Variants in SCARB1 observed in about 807,000 individuals in gnomAD.
SCARB1 encodes CD36 and LIMPII analogous 1.
SCARB1 carries 30 observed loss-of-function variants against 57.2 expected under a neutral mutation model. The ratio of observed to expected loss-of-function variants is 0.52; its 90% CI spans 0.39 to 0.71. The LOEUF (loss-of-function observed/expected upper bound fraction) is 0.71, where lower values mean the gene tolerates loss of function less well. Ranked by LOEUF, SCARB1 falls within the 30% of genes least tolerant of loss-of-function variation. The pLI is 0.00. For synonymous variants in SCARB1, 249 were observed against 268.3 expected (o/e 0.93, Z 0.70); for missense variants, 543 against 671.2 (o/e 0.81, Z 2.11).
rs573623195 is a variant in SCARB1 at position 124,818,083 on chromosome 12, G to A, written c.127-376C>T. 3.9e-5 allele frequency among the ~76,000 whole-genome samples: 6 copies of A among 152,264 alleles called. No individual in the cohort carries two copies. In the East Asian group the frequency reaches 1.2e-3, roughly 29 times the overall value. On this transcript the variant is annotated intron_variant, in intron 1 of 12. Coordinates refer to ENST00000261693, the MANE Select transcript of SCARB1 (RefSeq NM_005505.5). ...GGAACATGGGCTCCGTGTGGCCAGG[G>A]GGATCATTCATTCATTCCACAAGCA...
intron 1 of SCARB1, among the ~76,000 whole-genome samples, chr12:124,834,703 T>C (rs1219030562): frequency 6.6e-6 from 1 of 151,692 alleles, no homozygotes; most frequent in Non-Finnish European, 1.5e-5. Flanking sequence ...AGCCCAGGAG[T>C]TCAACAGTCT....
intron 4 of SCARB1, among the ~76,000 whole-genome samples, chr12:124,813,143 T>TCCCCTG (rs1410236663): frequency 6.6e-6 from 1 of 152,088 alleles, no homozygotes; most frequent in East Asian, 1.9e-4. Flanking sequence ...CTTTCCAGCT[T>TCCCCTG]CCCCTGGAGC....
chr12:124,812,077 C>T lies in SCARB1; in HGVS notation c.631-112G>A. ...CCCCCTCCACCAGAAGGACAGGGCC[C>T]CCAGCATCTGGTTCACTGCCAAATG... On this transcript the variant is annotated intron_variant, in intron 4 of 12. Coordinates refer to ENST00000261693, the MANE Select transcript of SCARB1 (RefSeq NM_005505.5). This position sits in a 1 kb window ranked among gnomAD's most constrained non-coding sequence, Gnocchi z 4.3. 1 of 815,942 alleles carries T rather than the reference C, an allele frequency of 1.2e-6. No individual in the cohort carries two copies. 50.5% of individuals were successfully genotyped at this position (815,942 alleles called of 1,614,324 possible).
intron 1 of SCARB1, among the ~76,000 whole-genome samples, chr12:124,831,397 G>A (rs148329723): frequency 5.3e-4 from 80 of 152,254 alleles, no homozygotes; most frequent in African/African-American, 1.9e-3. Flanking sequence ...GATTACAGAC[G>A]TGAGCCACTG....
chr12:124,778,659 C>A, intron 12 of SCARB1, 73 bp from the exon 13 acceptor site: 1 of 1,319,026 alleles, frequency 7.6e-7, no homozygotes, highest in Non-Finnish European at 9.7e-7. Flanking sequence ...CCGCCCACCA[C>A]AGCCCTGTAC....
intron 1 of SCARB1, among the ~76,000 whole-genome samples, chr12:124,854,891 G>T (rs1331457157): frequency 6.6e-6 from 1 of 152,134 alleles, no homozygotes; most frequent in African/African-American, 2.4e-5. Flanking sequence ...TGGGGTTCAG[G>T]GGAAAGGTCT....
At chr12:124,863,488 C>T (rs1952986459) in intron 1 of SCARB1, 107 bp downstream of exon 1, 4 of 1,268,398 alleles carry the variant, frequency 3.2e-6, no homozygotes, top group Non-Finnish European at 4.3e-6. Flanking sequence ...GCCCGGGCGC[C>T]GATTCCGCTG....
rs753325218 is a variant in SCARB1 at position 124,815,711 on chromosome 12, C to G, written c.285-597G>C. Reference sequence around the variant, plus strand: ...CGAAACCACGTCTCTACTAAAAATACAAAAATTAGCTGGGCATGGTGGCAG... The same window carrying G: ...CGAAACCACGTCTCTACTAAAAATAGAAAAATTAGCTGGGCATGGTGGCAG... On this transcript the variant is annotated intron_variant, in intron 2 of 12. Coordinates refer to ENST00000261693, the MANE Select transcript of SCARB1 (RefSeq NM_005505.5). 5.7e-4 allele frequency among the ~76,000 whole-genome samples: 87 copies of G among 152,126 alleles called. 1 individual carries two copies. The highest frequency in any genetic ancestry group is 2.7e-3 in the Admixed American group (41 of 15,270).
chr12:124,801,777 C>T (rs1950139213), intron 7 of SCARB1, among the ~76,000 whole-genome samples: 1 of 151,888 alleles, frequency 6.6e-6, no homozygotes, highest in African/African-American at 2.4e-5. Flanking sequence ...CAATAGTTTT[C>T]GGAGGTTGCA....
At chr12:124,844,998 C>G (rs1377953760) in intron 1 of SCARB1, among the ~76,000 whole-genome samples, 1 of 151,876 alleles carries the variant, frequency 6.6e-6, no homozygotes, top group Non-Finnish European at 1.5e-5. Context: ...GGATCTGGAC[C>G]CACACCTGCA....
rs572610752 is a variant in SCARB1, at chr12:124,801,678, GC to G, written c.1010-1437del. 4.5e-3 allele frequency among the ~76,000 whole-genome samples: 692 copies of G among 152,132 alleles called. 4 individuals carry two copies. The highest frequency in any genetic ancestry group is 0.013 in the Admixed American group (195 of 15,280). ...GCCTGTAATCCCAGCTACTCGGGAG[GC>G]TGAGGCAGGAGAATTGCTTGAACCT... On this transcript the variant is annotated intron_variant, in intron 7 of 12. Transcript: ENST00000261693.
At chr12:124,830,498 A>G (rs1951342125) in intron 1 of SCARB1, among the ~76,000 whole-genome samples, 1 of 152,228 alleles carries the variant, frequency 6.6e-6, no homozygotes, top group African/African-American at 2.4e-5. Context: ...AATGCTACCC[A>G]GAGACAAAAG....
At position 124,800,922 on chromosome 12, in the gene SCARB1, C is replaced by CG; in HGVS notation, c.1010-681dup. ...CGAGCGGGCCTCTCTCAAAAGCTCA[C>CG]GAGGGCCAGGCGCCATGGCTTACAC... On this transcript the variant is annotated intron_variant, in intron 7 of 12. Coordinates refer to ENST00000261693, the MANE Select transcript of SCARB1 (RefSeq NM_005505.5). The surrounding 1 kb of genome is among the most constrained non-coding windows in gnomAD (Gnocchi z 4.8). Among the ~76,000 whole-genome samples the CG allele has an allele frequency of 6.6e-6, 1 of 152,302 alleles. No individual in the cohort carries two copies. Among genetic ancestry groups the CG allele is most frequent in the Non-Finnish European group, 1.5e-5 (1 of 68,018 alleles).
At chr12:124,820,117 G>A (rs1444779191) in intron 1 of SCARB1, among the ~76,000 whole-genome samples, 1 of 152,134 alleles carries the variant, frequency 6.6e-6, no homozygotes, top group Non-Finnish European at 1.5e-5. Flanking sequence ...GCACCAGAAG[G>A]ATCACCTTAT....
intron 7 of SCARB1, among the ~76,000 whole-genome samples, chr12:124,804,784 C>T (rs1456847416): frequency 2.0e-5 from 3 of 152,180 alleles, no homozygotes; most frequent in Non-Finnish European, 2.9e-5. Context: ...CCTTTAGAGT[C>T]GCCATTGCCA....
In SCARB1 at chr12:124,817,657, G is replaced by C; in HGVS notation, c.177C>G (p.Ile59Met). Residue 59 changes from isoleucine to methionine, a missense_variant, in exon 2 of 13, where the codon ATC becomes ATG. Physicochemically the swap from Ile to Met is conservative, Grantham distance 10 (BLOSUM62 1). Transcript: ENST00000261693. This position sits in a 1 kb window ranked among gnomAD's most constrained non-coding sequence, Gnocchi z 4.8. ...SSLSFNMWKEIPIPFYLSVYF... is the reference protein window; with the variant it reads ...SSLSFNMWKEMPIPFYLSVYF... ...AGACGGAGAGATAGAAGGGGATAGG[G>C]ATCTCCTTCCACATGTTGAAGGACA... The C allele has an allele frequency of 6.2e-7, 1 of 1,613,700 alleles. No homozygotes were observed. Among genetic ancestry groups the C allele is most frequent in the Non-Finnish European group, 8.5e-7 (1 of 1,179,562 alleles).
In SCARB1 at chr12:124,786,489, C is replaced by G; in HGVS notation, c.1269G>C (p.Glu423Asp). The change falls in exon 11 of 13, where the codon GAG becomes GAC. Residue 423 changes from glutamate (E) to aspartate (D), a missense_variant. Glu to Asp is a conservative substitution (Grantham distance 45, BLOSUM62 2). Coordinates refer to ENST00000261693, the MANE Select transcript of SCARB1 (RefSeq NM_005505.5). ...TGTAGAATGTGTGAAGAGTCTCCCC[C>G]TCCATGGCCCCGCTCTGAGGAGACA... is the stretch of plus-strand genomic sequence containing the variant. The part of the protein sequence containing the change: ...LLWFAESGAM[E>D]GETLHTFYTQ... 1.9e-6 allele frequency: 3 copies of G among 1,614,126 alleles called. No homozygotes were observed. The highest frequency in any genetic ancestry group is 2.5e-6 in the Non-Finnish European group (3 of 1,180,034).
chr12:124,841,286 G>A (rs1019899276), intron 1 of SCARB1, among the ~76,000 whole-genome samples: 4 of 151,934 alleles, frequency 2.6e-5, no homozygotes, highest in Non-Finnish European at 5.9e-5. Flanking sequence ...GCAGGAGAAT[G>A]GCATGAACCA....
intron 1 of SCARB1, among the ~76,000 whole-genome samples, chr12:124,842,933 G>C (rs998374876): frequency 1.3e-5 from 2 of 152,240 alleles, no homozygotes; most frequent in Admixed American, 1.3e-4. Flanking sequence ...GTGTGCCCTT[G>C]TGGGACGTGT....
Sources: gnomAD v4.1 joint callset for allele counts (sites outside exome capture counted in the v4.1 genomes callset) on GRCh38, gnomAD v4.1.1 for gene constraint, Gnocchi (gnomAD v3.1) non-coding constraint, MANE v1.5 for transcripts, NCBI Gene and HGNC (gene_info 2026-07-23, HGNC 2026-07-21) for gene names.